The following CDK14 variants were observed in gnomAD, a reference collection of about 807,000 sequenced individuals.
CDK14 encodes cyclin dependent kinase 14.
CDK14 carries 34 observed loss-of-function variants against 60.7 expected under a neutral mutation model. That is an observed-to-expected ratio of 0.56 (90% confidence interval 0.43 to 0.75). The LOEUF is 0.75. Ranked by LOEUF, CDK14 falls within the 30% of genes least tolerant of loss-of-function variation. CDK14 has a pLI of 0.00. For synonymous variants in CDK14, 197 were observed against 203.7 expected (o/e 0.97, Z 0.28); for missense variants, 482 against 564.1 (o/e 0.85, Z 1.47).
chr7:91,181,934 A>G (rs1301671658), intron 14 of CDK14, among the ~76,000 whole-genome samples: 1 of 152,164 alleles, frequency 6.6e-6, no homozygotes, highest in African/African-American at 2.4e-5. Context: ...AAGGGTATAC[A>G]TTGCTACTAG....
In CDK14 at chr7:91,044,472, G is replaced by A. The variant is rs756563925; in HGVS notation, c.1042-1425G>A. On this transcript the variant is annotated intron_variant, in intron 10 of 14. Transcript: ENST00000380050. ...TTACATTTACAGACTTACAAAGTCT[G>A]TCCTATCAGTCTTAAGGCCTGTGTT... Among the ~76,000 whole-genome samples the A allele has an allele frequency of 5.5e-4, 84 of 152,132 alleles. 1 individual carries two copies. The highest frequency in any genetic ancestry group is 1.9e-4 in the Non-Finnish European group (13 of 68,030).
chr7:90,873,407 A>G (rs968097093), intron 6 of CDK14, among the ~76,000 whole-genome samples: 1 of 152,200 alleles, frequency 6.6e-6, no homozygotes, highest in Non-Finnish European at 1.5e-5. Flanking sequence ...TAACTTCACA[A>G]ATTTTTAAAG....
intron 5 of CDK14, among the ~76,000 whole-genome samples, chr7:90,860,245 T>G (rs1345608383): frequency 2.6e-5 from 4 of 152,054 alleles, no homozygotes; most frequent in Non-Finnish European, 4.4e-5. Flanking sequence ...TTCCCCTGTC[T>G]TTCACAGTTC....
At chr7:91,098,423 G>T (rs539681848) in intron 12 of CDK14, among the ~76,000 whole-genome samples, 1 of 151,352 alleles carries the variant, frequency 6.6e-6, no homozygotes. Context: ...GTTAAGGGGC[G>T]CAGCACACCA....
chr7:90,899,499 T>C, intron 7 of CDK14, 146 bp downstream of exon 7: 2 of 484,524 alleles, frequency 4.1e-6, no homozygotes, highest in Non-Finnish European at 7.2e-6. Context: ...CAGTCATTGC[T>C]TCAGTTGAGT....
intron 13 of CDK14, among the ~76,000 whole-genome samples, chr7:91,115,127 A>G (rs810640): frequency 0.53 from 80,694 of 151,956 alleles, 23,281 homozygotes; most frequent in Non-Finnish European, 0.67. Flanking sequence ...ATCCACCTGG[A>G]AAGAAGTGTT....
chr7:90,712,410 T>C (rs2116651318), intron 2 of CDK14, among the ~76,000 whole-genome samples: 1 of 152,072 alleles, frequency 6.6e-6, no homozygotes, highest in East Asian at 1.9e-4. Context: ...TATTTTTTCT[T>C]TTGTCTCTGC....
intron 10 of CDK14, among the ~76,000 whole-genome samples, chr7:91,026,079 G>C (rs982452556): frequency 3.3e-5 from 5 of 151,914 alleles, no homozygotes; most frequent in African/African-American, 1.2e-4. Flanking sequence ...TGGTTGGGCT[G>C]TCCCTTTGCT....
intron 8 of CDK14, among the ~76,000 whole-genome samples, chr7:90,947,585 G>T (rs1341331765): frequency 6.6e-6 from 1 of 151,990 alleles, no homozygotes; most frequent in East Asian, 1.9e-4. Flanking sequence ...AAATTATCTT[G>T]TGCTTTGCCT....
chr7:91,095,355 A>AC (rs1487459474), intron 12 of CDK14, among the ~76,000 whole-genome samples: 2 of 152,320 alleles, frequency 1.3e-5, no homozygotes, highest in African/African-American at 4.8e-5. Flanking sequence ...AGAAGAGGAG[A>AC]CTGGTGAGTG....
At chr7:90,793,757 GCTGT>G (rs1805928928) in intron 5 of CDK14, among the ~76,000 whole-genome samples, 1 of 152,182 alleles carries the variant, frequency 6.6e-6, no homozygotes, top group African/African-American at 2.4e-5. Context: ...CTTGGGGCCT[GCTGT>G]CTGTTTTGGT....
At chr7:90,749,532 C>T (rs1584854434) in intron 4 of CDK14, among the ~76,000 whole-genome samples, 1 of 152,118 alleles carries the variant, frequency 6.6e-6, no homozygotes, top group Non-Finnish European at 1.5e-5. Context: ...GCCTCTGCTC[C>T]ACACCCAGGC....
At chr7:91,150,936 C>G (rs1384819871) in intron 14 of CDK14, among the ~76,000 whole-genome samples, 1 of 152,126 alleles carries the variant, frequency 6.6e-6, no homozygotes, top group Admixed American at 6.5e-5. Context: ...ATAATAAATA[C>G]AAGATTCCTA....
At chr7:90,760,558 C>G (rs957554787) in intron 4 of CDK14, among the ~76,000 whole-genome samples, 1 of 152,138 alleles carries the variant, frequency 6.6e-6, no homozygotes, top group Non-Finnish European at 1.5e-5. Flanking sequence ...AGGATGCTCC[C>G]GAGGCCCATG....
chr7:90,963,711 C>CTTTTTTTTTTTTTTT (rs34156393), intron 9 of CDK14, among the ~76,000 whole-genome samples: 3 of 123,100 alleles, frequency 2.4e-5, no homozygotes, highest in Non-Finnish European at 3.4e-5. Flanking sequence ...TTTTTCTTTT[C>CTTTTTTTTTTTTTTT]TTTTTTTTTT....
At chr7:90,897,928 T>C (rs575501695) in intron 6 of CDK14, among the ~76,000 whole-genome samples, 1 of 152,214 alleles carries the variant, frequency 6.6e-6, no homozygotes, top group South Asian at 2.1e-4. Context: ...AGTTTCACTT[T>C]GATTTAGAAG....
At chr7:90,917,454 C>T in intron 7 of CDK14, 147 bp from the exon 8 acceptor site, 1 of 626,682 alleles carries the variant, frequency 1.6e-6, no homozygotes, top group South Asian at 2.6e-5. Flanking sequence ...ATACTAAAAT[C>T]TCACATTCTG....
chr7:90,753,208 G>A (rs1803916953), intron 4 of CDK14, among the ~76,000 whole-genome samples: 1 of 151,964 alleles, frequency 6.6e-6, no homozygotes, highest in African/African-American at 2.4e-5. Flanking sequence ...AAAACTAAAA[G>A]CCAATATGCC....
At chr7:91,166,285 T>C (rs532278850) in intron 14 of CDK14, among the ~76,000 whole-genome samples, 21 of 152,338 alleles carry the variant, frequency 1.4e-4, no homozygotes, top group African/African-American at 4.6e-4. Flanking sequence ...ACAGGCTCAG[T>C]GTGTCTTCTG....
Sources: allele counts gnomAD v4.1 joint callset (sites outside exome capture counted in the v4.1 genomes callset), GRCh38; gene constraint gnomAD v4.1.1; transcripts MANE v1.5; gene names NCBI Gene and HGNC (gene_info 2026-07-23, HGNC 2026-07-21).